ADGRE2: variants seen among roughly 807,000 people sequenced by gnomAD.
ADGRE2 encodes CD97 antigen.
A neutral mutation model predicts 100.8 loss-of-function variants in ADGRE2; 83 were observed. The ratio of observed to expected loss-of-function variants is 0.82; its 90% CI spans 0.69 to 0.99. The LOEUF (loss-of-function observed/expected upper bound fraction) is 0.99. Among genes scored for constraint, ADGRE2 ranks in the 50% least tolerant of loss-of-function variants. The pLI, the probability that ADGRE2 is intolerant of heterozygous loss-of-function variation, is 0.00. For missense variants in ADGRE2, 814 were observed against 1,035.7 expected (o/e 0.79, Z 2.94); for synonymous variants, 355 against 413.0 (o/e 0.86, Z 1.70).
chr19:14,742,073 A>G (rs2042949128), intron 20 of ADGRE2: 1 of 398,400 alleles, frequency 2.5e-6, no homozygotes, highest in Admixed American at 4.4e-5. Flanking sequence ...ACAAGCTTGA[A>G]CCACTGTTCC....
intron 4 of ADGRE2, 91 bp downstream of exon 4, chr19:14,773,847 T>G: frequency 8.7e-7 from 1 of 1,146,118 alleles, no homozygotes; most frequent in Non-Finnish European, 1.3e-6. Context: ...GGTAAGGCTG[T>G]GGCCCCTCAC....
chr19:14,728,732 T>G (rs943437761), downstream of ADGRE2, among the ~76,000 whole-genome samples: 3 of 152,214 alleles, frequency 2.0e-5, no homozygotes, highest in Non-Finnish European at 4.4e-5. Flanking sequence ...GCTCTAGCAA[T>G]AAATGCTGGG....
Position 14,736,122 on chromosome 19 carries a change from T to G in ADGRE2, c.*114A>C. On this transcript the variant is annotated 3_prime_UTR_variant, in exon 21 of 21. Coordinates refer to ENST00000315576, the MANE Select transcript of ADGRE2 (RefSeq NM_013447.4). ...CATAACATCCTTCATATTGCTGACATGGTGAATTTCTTGAAACACACAGAA... is the reference window on the plus strand; with the variant it reads ...CATAACATCCTTCATATTGCTGACAGGGTGAATTTCTTGAAACACACAGAA... 1.0e-6 allele frequency: 1 copy of G among 981,160 alleles called. No homozygotes were observed. Among genetic ancestry groups the G allele is most frequent in the Non-Finnish European group, 1.6e-6 (1 of 638,580 alleles). 60.8% of individuals were successfully genotyped at this position (981,160 alleles called of 1,614,324 possible).
At chr19:14,764,385 G>A (rs774111774) in intron 11 of ADGRE2, 48 bp downstream of exon 11, 2 of 1,582,046 alleles carry the variant, frequency 1.3e-6, no homozygotes, top group South Asian at 1.1e-5. Context: ...AAAGGAAGGA[G>A]ACAGAAAACA....
chr19:14,731,355 G>A (rs980938576), downstream of ADGRE2: 5 of 661,958 alleles, frequency 7.6e-6, no homozygotes, highest in African/African-American at 1.8e-5. Flanking sequence ...CGTGACATCC[G>A]GGCTCCTTAA....
In ADGRE2 at chr19:14,745,580, C is replaced by T. The variant is rs750226358; in HGVS notation, c.2183+652G>A. ...TGCCCACTCACATACCCTTTCCAGA[C>T]TCTGGAATCTATCATTCTACTTTAT... On this transcript the variant is annotated intron_variant, in intron 18 of 20. Coordinates refer to ENST00000315576, the MANE Select transcript of ADGRE2 (RefSeq NM_013447.4). Among the ~76,000 whole-genome samples the T allele has an allele frequency of 2.4e-4, 37 of 152,264 alleles. 1 individual carries two copies. The highest frequency in any genetic ancestry group is 1.4e-3 in the Admixed American group (22 of 15,276).
intron 4 of ADGRE2, 64 bp from the exon 5 acceptor site, chr19:14,772,561 C>T: frequency 6.3e-7 from 1 of 1,580,472 alleles, no homozygotes; most frequent in Admixed American, 1.8e-5. Context: ...GCAGAGACCC[C>T]CGTCCTGACT....
chr19:14,748,264 A>G (rs4513222), intron 16 of ADGRE2, among the ~76,000 whole-genome samples: 152,226 of 152,296 alleles, frequency 1, 76,079 homozygotes, highest in Middle Eastern at 1. Context: ...ATTCACTTAG[A>G]ATAATGGCCT....
intron 4 of ADGRE2, among the ~76,000 whole-genome samples, chr19:14,772,818 A>G (rs1025381724): frequency 2.0e-5 from 3 of 151,008 alleles, no homozygotes; most frequent in East Asian, 3.9e-4. Context: ...AGTGGCTCAT[A>G]CCTGTAATCC....
intron 11 of ADGRE2, among the ~76,000 whole-genome samples, chr19:14,759,503 A>ATATATATATATATATATATTT (rs60789454): frequency 6.7e-5 from 9 of 133,368 alleles, no homozygotes; most frequent in East Asian, 6.6e-4. Context: ...ATATATATAT[A>ATATATATATATATATATATTT]TTTTTTTTTT....
At chr19:14,771,621 C>CTTATTTATTTATTTAT (rs369899556) in intron 5 of ADGRE2, among the ~76,000 whole-genome samples, 8,628 of 143,494 alleles carry the variant, frequency 0.06, 293 homozygotes, top group East Asian at 0.096. Flanking sequence ...GCATCCATTG[C>CTTATTTATTTATTTAT]TTATTTATTT....
rs111884384 is a variant in ADGRE2 at position 14,764,736 on chromosome 19, C to A, written c.907-126G>T. 66 of 1,021,858 alleles carry A rather than the reference C, an allele frequency of 6.5e-5. 1 individual carries two copies. In the South Asian group the frequency reaches 1.0e-3, roughly 16 times the overall value. The allele number at this position is 1,021,858 out of a possible 1,614,324, so 63.3% of individuals were successfully genotyped here. On this transcript the variant is annotated intron_variant, in intron 10 of 20. Transcript: ENST00000315576. ...ATCTGGGGGATGAAGATGGCATTGG[C>A]GGCTGGGCGCGGTGGCTCACGCCTC...
chr19:14,776,706 C>G lies in ADGRE2; in HGVS notation c.31+20G>C. ...GGAGCTTCCTCGCTACCACCCCCAG[C>G]GGGGCCCCAAAGTACTTACCGAGAA... On this transcript the variant is annotated intron_variant, in intron 2 of 20. Coordinates refer to ENST00000315576, the MANE Select transcript of ADGRE2 (RefSeq NM_013447.4). 1 of 1,610,344 alleles carries G rather than the reference C, an allele frequency of 6.2e-7. No homozygotes were observed.
rs571486420 is a variant in ADGRE2 at position 14,732,957 on chromosome 19, C to T, written c.*3279G>A. 1.3e-5 allele frequency: 2 copies of T among 152,282 alleles called. No homozygotes were observed. Among genetic ancestry groups the T allele is most frequent in the South Asian group, 4.1e-4 (2 of 4,828 alleles). The allele number at this position is 152,282 out of a possible 1,614,324, so 9.4% of individuals were successfully genotyped here. A position where few individuals can be genotyped will look rare whatever the true frequency, so the allele number is the denominator to read the frequency against. On this transcript the variant is annotated 3_prime_UTR_variant, in exon 21 of 21. Coordinates refer to ENST00000315576, the MANE Select transcript of ADGRE2 (RefSeq NM_013447.4). ...GCTCTTTAAGAAAACATTTGGCGACCCCTGCTCTAGGTAGACTCTATGGGG... is the reference window on the plus strand; with the variant it reads ...GCTCTTTAAGAAAACATTTGGCGACTCCTGCTCTAGGTAGACTCTATGGGG...
intron 20 of ADGRE2, among the ~76,000 whole-genome samples, chr19:14,741,277 A>G (rs1189703090): frequency 2.0e-5 from 3 of 149,084 alleles, no homozygotes; most frequent in Admixed American, 6.7e-5. Context: ...ATGTATTTTT[A>G]GTAAAGATGG....
At chr19:14,751,692 G>A (rs372407984) in intron 15 of ADGRE2, 21 bp from the exon 16 acceptor site, 19 of 1,584,956 alleles carry the variant, frequency 1.2e-5, no homozygotes, top group South Asian at 8.8e-5. Flanking sequence ...AGTAAAAGAC[G>A]CCCAGAGCGG....
chr19:14,768,375 T>G (rs1161875391), intron 5 of ADGRE2, among the ~76,000 whole-genome samples: 1 of 152,156 alleles, frequency 6.6e-6, no homozygotes, highest in Non-Finnish European at 1.5e-5. Flanking sequence ...GAAGGTGTCT[T>G]GGAAATGGCA....
the ADGRE2 span, among the ~76,000 whole-genome samples, chr19:14,724,626 T>C: frequency 2.2e-3 from 329 of 151,942 alleles, 1 homozygote; most frequent in African/African-American, 7.8e-3. Flanking sequence ...ATTAGTTGGG[T>C]GTGGTGGCGG....
At chr19:14,766,504 C>T (rs1041121546) in intron 6 of ADGRE2, 123 bp from the exon 7 acceptor site, 1 of 1,269,078 alleles carries the variant, frequency 7.9e-7, no homozygotes, top group Non-Finnish European at 1.1e-6. Flanking sequence ...GCACGTGCCA[C>T]CACTTGGTGA....
Sources: gnomAD v4.1 joint callset for allele counts (sites outside exome capture counted in the v4.1 genomes callset) on GRCh38, gnomAD v4.1.1 for gene constraint, MANE v1.5 for transcripts, NCBI Gene and HGNC (gene_info 2026-07-23, HGNC 2026-07-21) for gene names.